Variants in MTMR12 observed in about 807,000 individuals in gnomAD.
The protein encoded by MTMR12 is myotubularin-related protein 12.
Under a neutral mutation model 96.7 loss-of-function variants are expected in MTMR12, and 33 were observed. The observed-to-expected ratio is 0.34, with a 90% CI of 0.26 to 0.46. The LOEUF is 0.46. MTMR12 is among the 20% of genes least tolerant of loss of function. MTMR12 has a pLI of 1.00. For missense variants in MTMR12, 721 were observed against 896.1 expected (o/e 0.80, Z 2.49); for synonymous variants, 298 against 327.2 (o/e 0.91, Z 0.96).
intron 1 of MTMR12, among the ~76,000 whole-genome samples, chr5:32,282,968 C>T (rs956367979): frequency 2.0e-5 from 3 of 152,178 alleles, no homozygotes; most frequent in African/African-American, 7.2e-5. Context: ...GGAGAATGAA[C>T]ATAGCTGAAT....
chr5:32,230,543 T>C (rs1747955748), intron 15 of MTMR12, among the ~76,000 whole-genome samples, 196 bp from the exon 16 acceptor site: 1 of 152,218 alleles, frequency 6.6e-6, no homozygotes, highest in Admixed American at 6.5e-5. Flanking sequence ...TGGTGCACAC[T>C]GTACCAGAAA....
intron 1 of MTMR12, among the ~76,000 whole-genome samples, chr5:32,289,522 A>C (rs1750666442): frequency 6.6e-6 from 1 of 152,186 alleles, no homozygotes; most frequent in Admixed American, 6.5e-5. Flanking sequence ...GGGAAAGGGA[A>C]ATGATCAGAC....
chr5:32,308,641 G>A (rs115899735), intron 1 of MTMR12, among the ~76,000 whole-genome samples: 2,338 of 150,382 alleles, frequency 0.016, 30 homozygotes, highest in Non-Finnish European at 0.024. Context: ...TCACTCTGTC[G>A]CCAGGCTGAA....
intron 1 of MTMR12, among the ~76,000 whole-genome samples, chr5:32,293,738 C>T (rs1302474808): frequency 6.6e-6 from 1 of 152,176 alleles, no homozygotes; most frequent in Admixed American, 6.5e-5. Flanking sequence ...ACAGTATAGG[C>T]TGATGATCCC....
chr5:32,263,063 C>CAAA (rs1210084510), intron 7 of MTMR12, 50 bp downstream of exon 7: 14 of 1,602,962 alleles, frequency 8.7e-6, no homozygotes, highest in African/African-American at 2.7e-5. Context: ...AAACACTGTA[C>CAAA]ACTTTTAATG....
At chr5:32,299,532 C>T (rs1315929104) in intron 1 of MTMR12, among the ~76,000 whole-genome samples, 1 of 152,142 alleles carries the variant, frequency 6.6e-6, no homozygotes, top group Non-Finnish European at 1.5e-5. Flanking sequence ...CTTCTACCAC[C>T]GCCTCCAAAA....
chr5:32,272,073 C>T (rs79802064), intron 3 of MTMR12, among the ~76,000 whole-genome samples, 168 bp from the exon 4 acceptor site: 11 of 151,990 alleles, frequency 7.2e-5, no homozygotes, highest in African/African-American at 2.7e-4. Flanking sequence ...GGGCGGATCA[C>T]GAGGTCAGGA....
chr5:32,252,799 T>C (rs1290282492), intron 8 of MTMR12, among the ~76,000 whole-genome samples: 1 of 152,246 alleles, frequency 6.6e-6, no homozygotes, highest in African/African-American at 2.4e-5. Context: ...ATCTCTTAAA[T>C]ATCTGGTTTA....
chr5:32,258,888 T>C (rs1749242680), intron 7 of MTMR12, among the ~76,000 whole-genome samples: 1 of 128,804 alleles, frequency 7.8e-6, no homozygotes, highest in African/African-American at 3.1e-5. Context: ...AGTTTTCTTA[T>C]AGATGGTCTT....
At chr5:32,237,329 A>G (rs574539999) in intron 13 of MTMR12, among the ~76,000 whole-genome samples, 23 of 152,336 alleles carry the variant, frequency 1.5e-4, no homozygotes, top group African/African-American at 5.5e-4. Flanking sequence ...AGACATGTAC[A>G]CCACAATCTG....
intron 11 of MTMR12, among the ~76,000 whole-genome samples, 191 bp downstream of exon 11, chr5:32,243,330 G>A (rs1319966279): frequency 1.3e-5 from 2 of 152,106 alleles, no homozygotes; most frequent in African/African-American, 4.8e-5. Flanking sequence ...CTTGTAAGCA[G>A]GTGGCATGTT....
Position 32,312,883 on chromosome 5 carries a change from G to A in MTMR12, c.-45C>T. ...GCGACGCGCGGACGCAGAGGCGGCG[G>A]CTCGGGCTCCAGCTGGGGCAGCAGC... On this transcript the variant is annotated 5_prime_UTR_variant, in exon 1 of 16. Coordinates refer to ENST00000382142, the MANE Select transcript of MTMR12 (RefSeq NM_001040446.3). The surrounding 1 kb of genome is among the most constrained non-coding windows in gnomAD (Gnocchi z 5.0). The A allele has an allele frequency of 1.3e-6, 2 of 1,494,188 alleles. No homozygotes were observed. Among genetic ancestry groups the A allele is most frequent in the South Asian group, 1.2e-5 (1 of 81,326 alleles). 92.6% of individuals were successfully genotyped at this position (1,494,188 alleles called of 1,614,324 possible). A position where few individuals can be genotyped will look rare whatever the true frequency, so the allele number is the denominator to read the frequency against.
At chr5:32,280,237 A>G (rs1249615134) in intron 1 of MTMR12, among the ~76,000 whole-genome samples, 1 of 152,226 alleles carries the variant, frequency 6.6e-6, no homozygotes, top group Non-Finnish European at 1.5e-5. Context: ...GGTACAATGA[A>G]GCTCTCATAG....
intron 11 of MTMR12, among the ~76,000 whole-genome samples, chr5:32,242,669 A>C (rs1748530054): frequency 6.7e-6 from 1 of 148,910 alleles, no homozygotes; most frequent in Admixed American, 6.7e-5. Context: ...GTCCTCTCCT[A>C]CCCCCCAGCC....
intron 1 of MTMR12, among the ~76,000 whole-genome samples, chr5:32,303,470 G>A (rs1330517624): frequency 6.6e-6 from 1 of 152,024 alleles, no homozygotes; most frequent in Non-Finnish European, 1.5e-5. Flanking sequence ...AAGCCAACAG[G>A]AGATTAGAGA....
At chr5:32,270,695 A>T in intron 5 of MTMR12, 122 bp downstream of exon 5, 16 of 1,123,438 alleles carry the variant, frequency 1.4e-5, no homozygotes, top group Non-Finnish European at 2.0e-5. Flanking sequence ...TGGGATTACA[A>T]CCAATTTCAA....
intron 1 of MTMR12, among the ~76,000 whole-genome samples, chr5:32,300,522 CAG>C (rs1460925402): frequency 6.6e-6 from 1 of 152,114 alleles, no homozygotes; most frequent in African/African-American, 2.4e-5. Context: ...GGACCAGACA[CAG>C]AGACAGCCAC....
rs1747840599 is a variant in MTMR12, at chr5:32,228,569, C to CATATATATATCATATATATGTGATAT, written c.*1183_*1208dup. On this transcript the variant is annotated 3_prime_UTR_variant, in exon 16 of 16. Transcript: ENST00000382142. ...TCATATATATGTGATATATATATAT[C>CATATATATATCATATATATGTGATAT]ATATATATATCATATATATGTGATA... 6 of 112,518 alleles carry CATATATATATCATATATATGTGATAT rather than the reference C, an allele frequency of 5.3e-5. No individual in the cohort carries two copies. Among genetic ancestry groups the CATATATATATCATATATATGTGATAT allele is most frequent in the African/African-American group, 2.4e-4 (6 of 25,080 alleles). The allele number at this position is 112,518 out of a possible 1,614,324, so 7.0% of individuals were successfully genotyped here. A position where few individuals can be genotyped will look rare whatever the true frequency, so the allele number is the denominator to read the frequency against.
At chr5:32,304,743 G>C (rs895441172) in intron 1 of MTMR12, among the ~76,000 whole-genome samples, 34 of 152,236 alleles carry the variant, frequency 2.2e-4, no homozygotes, top group Non-Finnish European at 4.4e-4. Context: ...CTCTTAGACA[G>C]TGGCTGTCCA....
Sources: gnomAD v4.1 joint callset for allele counts (sites outside exome capture counted in the v4.1 genomes callset) on GRCh38, gnomAD v4.1.1 for gene constraint, Gnocchi (gnomAD v3.1) non-coding constraint, MANE v1.5 for transcripts, NCBI Gene and HGNC (gene_info 2026-07-23, HGNC 2026-07-21) for gene names.